The following MYO5B variants were observed in gnomAD, a reference collection of about 807,000 sequenced individuals.
MYO5B encodes the protein myosin VB, also known as unconventional myosin-Vb.
Under a neutral mutation model 229.3 loss-of-function variants are expected in MYO5B, and 143 were observed. The observed-to-expected ratio is 0.62, with a 90% CI of 0.54 to 0.72. The LOEUF is 0.72. MYO5B is among the 30% of genes least tolerant of loss of function. MYO5B has a pLI of 0.00. For missense variants in MYO5B, 2,321 were observed against 2,331.0 expected (o/e 1.00, Z 0.09); for synonymous variants, 918 against 885.2 (o/e 1.04, Z -0.66).
intron 22 of MYO5B, among the ~76,000 whole-genome samples, chr18:49,884,249 A>G (rs904759476): frequency 2.0e-5 from 3 of 152,198 alleles, no homozygotes; most frequent in African/African-American, 7.2e-5. Context: ...GCAGTCTCCA[A>G]ACTTTTTGGC....
intron 22 of MYO5B, among the ~76,000 whole-genome samples, chr18:49,891,407 A>G (rs1302731528): frequency 6.6e-6 from 1 of 152,010 alleles, no homozygotes; most frequent in Non-Finnish European, 1.5e-5. Flanking sequence ...TCCTCTCTGT[A>G]CTTTCTTCCC....
At chr18:50,135,301 C>T (rs558127330) in intron 1 of MYO5B, among the ~76,000 whole-genome samples, 2 of 152,312 alleles carry the variant, frequency 1.3e-5, no homozygotes, top group African/African-American at 4.8e-5. Flanking sequence ...GACAGTCTAG[C>T]AGACAGGCGA....
chr18:49,856,071 TG>T lies in MYO5B; in HGVS notation c.4022+741del, dbSNP rs376618016. 1.7e-4 allele frequency among the ~76,000 whole-genome samples: 26 copies of T among 152,360 alleles called. No homozygotes were observed. The East Asian group carries it at 4.6e-3, about 27-fold the overall frequency. On this transcript the variant is annotated intron_variant, in intron 30 of 39. Coordinates refer to ENST00000285039, the MANE Select transcript of MYO5B (RefSeq NM_001080467.3). ...ACTGGCCTATGGTGTGACCATCACA[TG>T]GTGTCCTTTTGCTGCATGCCTACCC...
chr18:49,997,095 G>A (rs2025995722), intron 5 of MYO5B, among the ~76,000 whole-genome samples: 1 of 151,928 alleles, frequency 6.6e-6, no homozygotes, highest in African/African-American at 2.4e-5. Flanking sequence ...GCAAGACCCT[G>A]TCTCTACTGA....
At chr18:50,069,927 C>A (rs868171600) in intron 1 of MYO5B, among the ~76,000 whole-genome samples, 1 of 151,750 alleles carries the variant, frequency 6.6e-6, no homozygotes, top group South Asian at 2.1e-4. Context: ...ATAATGTCAA[C>A]ATCAAACTCA....
intron 1 of MYO5B, among the ~76,000 whole-genome samples, chr18:50,059,262 A>G (rs143872722): frequency 1.5e-3 from 232 of 152,344 alleles, no homozygotes; most frequent in East Asian, 0.011. Context: ...ACACATTGTG[A>G]TAAGTACCAT....
At chr18:50,019,084 G>A (rs749702647) in intron 4 of MYO5B, among the ~76,000 whole-genome samples, 1 of 152,106 alleles carries the variant, frequency 6.6e-6, no homozygotes, top group Non-Finnish European at 1.5e-5. Context: ...AGGCAAGACA[G>A]CAAATCTCAC....
intron 1 of MYO5B, among the ~76,000 whole-genome samples, chr18:50,112,877 T>A (rs1003321526): frequency 6.6e-6 from 1 of 152,210 alleles, no homozygotes; most frequent in African/African-American, 2.4e-5. Flanking sequence ...TTAAAAAAAA[T>A]TGGGTCATTT....
At chr18:49,913,530 C>A (rs9957027) in intron 17 of MYO5B, among the ~76,000 whole-genome samples, 3,142 of 152,202 alleles carry the variant, frequency 0.021, 101 homozygotes, top group African/African-American at 0.072. Flanking sequence ...GGCAGCCCCC[C>A]ACCCACTCTC....
intron 17 of MYO5B, among the ~76,000 whole-genome samples, chr18:49,917,947 G>C (rs560851037): frequency 1.3e-5 from 2 of 152,328 alleles, no homozygotes; most frequent in Admixed American, 6.5e-5. Flanking sequence ...CTGGTAGGAA[G>C]AGGGAGAGAT....
chr18:50,031,739 C>T (rs1043290377), intron 4 of MYO5B, among the ~76,000 whole-genome samples: 2 of 152,172 alleles, frequency 1.3e-5, no homozygotes, highest in Non-Finnish European at 2.9e-5. Flanking sequence ...CTTTGAACAT[C>T]TCTTGTATCA....
At chr18:50,192,458 A>G (rs560557268) in intron 1 of MYO5B, among the ~76,000 whole-genome samples, 1 of 152,310 alleles carries the variant, frequency 6.6e-6, no homozygotes, top group South Asian at 2.1e-4. Flanking sequence ...TCACAGCAAC[A>G]TTTTGGGGGA....
At chr18:49,989,465 C>T (rs912795923) in intron 7 of MYO5B, among the ~76,000 whole-genome samples, 1 of 152,188 alleles carries the variant, frequency 6.6e-6, no homozygotes, top group Non-Finnish European at 1.5e-5. Flanking sequence ...AAAACACGGA[C>T]AGCAGGACAG....
At chr18:49,914,519 C>T (rs1239884494) in intron 17 of MYO5B, among the ~76,000 whole-genome samples, 3 of 151,872 alleles carry the variant, frequency 2.0e-5, no homozygotes, top group Non-Finnish European at 4.4e-5. Context: ...GTGGCTCACA[C>T]CTGTAATCCC....
intron 7 of MYO5B, among the ~76,000 whole-genome samples, chr18:49,989,390 C>T (rs1022757204): frequency 1.3e-5 from 2 of 152,136 alleles, no homozygotes; most frequent in African/African-American, 4.8e-5. Context: ...CAAAGACCAA[C>T]TACTCTGTTT....
intron 1 of MYO5B, among the ~76,000 whole-genome samples, chr18:50,168,272 T>C (rs188001817): frequency 1.2e-4 from 19 of 152,344 alleles, no homozygotes; most frequent in East Asian, 5.8e-4. Context: ...ACAAGTCAAC[T>C]TGTTCCACAG....
At chr18:50,157,930 T>C (rs2032707497) in intron 1 of MYO5B, among the ~76,000 whole-genome samples, 1 of 152,214 alleles carries the variant, frequency 6.6e-6, no homozygotes, top group African/African-American at 2.4e-5. Flanking sequence ...ATCCATATAC[T>C]TGTTCAACCA....
chr18:50,180,515 C>T (rs1414690843), intron 1 of MYO5B, among the ~76,000 whole-genome samples: 1 of 152,148 alleles, frequency 6.6e-6, no homozygotes, highest in African/African-American at 2.4e-5. Flanking sequence ...TCCCACCTAC[C>T]CGCTCCCCGA....
intron 26 of MYO5B, among the ~76,000 whole-genome samples, chr18:49,875,429 G>A (rs2024507794): frequency 6.6e-6 from 1 of 152,158 alleles, no homozygotes; most frequent in African/African-American, 2.4e-5. Flanking sequence ...TTTGCAAGTA[G>A]GTGATGATGC....
Sources: gnomAD v4.1 joint callset for allele counts (sites outside exome capture counted in the v4.1 genomes callset) on GRCh38, gnomAD v4.1.1 for gene constraint, MANE v1.5 for transcripts, NCBI Gene and HGNC (gene_info 2026-07-23, HGNC 2026-07-21) for gene names.